The following JARID2 variants were observed in gnomAD, a reference collection of about 807,000 sequenced individuals.
The protein encoded by JARID2 is jumonji and AT-rich interaction domain containing 2.
A neutral mutation model predicts 125.6 loss-of-function variants in JARID2; 21 were observed. The observed-to-expected ratio is 0.17, with a 90% CI of 0.12 to 0.24. The LOEUF is 0.24. Among genes scored for constraint, JARID2 ranks in the 10% least tolerant of loss-of-function variants. The pLI is 1.00. For synonymous variants in JARID2, 736 were observed against 661.6 expected (o/e 1.11, Z -1.73); for missense variants, 1,303 against 1,639.6 (o/e 0.79, Z 3.55).
intron 5 of JARID2, among the ~76,000 whole-genome samples, chr6:15,478,509 G>A (rs1030725661): frequency 3.3e-5 from 5 of 151,172 alleles, no homozygotes; most frequent in African/African-American, 7.3e-5. Context: ...AATGGGATGC[G>A]TTCTGGTCTA....
chr6:15,505,679 G>A (rs1770970231), intron 9 of JARID2, among the ~76,000 whole-genome samples: 2 of 152,280 alleles, frequency 1.3e-5, no homozygotes, highest in South Asian at 2.1e-4. Context: ...TGCAGGGGCT[G>A]CCTACACTGT....
At chr6:15,485,548 G>A (rs1382430819) in intron 5 of JARID2, among the ~76,000 whole-genome samples, 1 of 152,158 alleles carries the variant, frequency 6.6e-6, no homozygotes, top group Non-Finnish European at 1.5e-5. Flanking sequence ...TAGCACAAAA[G>A]TATATAAGGG....
intron 4 of JARID2, among the ~76,000 whole-genome samples, chr6:15,464,587 GAGA>G (rs1376724963): frequency 6.6e-6 from 1 of 152,160 alleles, no homozygotes; most frequent in Non-Finnish European, 1.5e-5. Flanking sequence ...ACCCCCCAGT[GAGA>G]AGAAGGGGTA....
At position 15,435,361 on chromosome 6, in the gene JARID2, G is replaced by A. The variant is rs75914549; in HGVS notation, c.324-16645G>A. On this transcript the variant is annotated intron_variant, in intron 3 of 17. Transcript: ENST00000341776. ...TATATTCCAAATCCTCGTGAGGGCC[G>A]CTTAAGTTTTACAACTTCTCAGGAA... Among the ~76,000 whole-genome samples, 1,099 of 152,276 alleles carry A rather than the reference G, an allele frequency of 7.2e-3. 14 individuals carry two copies. Among genetic ancestry groups the A allele is most frequent in the African/African-American group, 0.025 (1,045 of 41,546 alleles).
intron 3 of JARID2, among the ~76,000 whole-genome samples, chr6:15,447,147 A>G (rs553577307): frequency 2.6e-5 from 4 of 152,112 alleles, no homozygotes; most frequent in Non-Finnish European, 5.9e-5. Flanking sequence ...TGAAACATCT[A>G]TTCCCTCACC....
chr6:15,335,281 G>A (rs1024217101), intron 1 of JARID2, among the ~76,000 whole-genome samples: 5 of 152,046 alleles, frequency 3.3e-5, no homozygotes, highest in Non-Finnish European at 5.9e-5. Context: ...TGTATTTTTA[G>A]TAGAGACAGG....
chr6:15,411,524 G>A (rs1765875046), intron 3 of JARID2, among the ~76,000 whole-genome samples: 1 of 152,122 alleles, frequency 6.6e-6, no homozygotes, highest in African/African-American at 2.4e-5. Flanking sequence ...GTATAGTTAG[G>A]ATCTTCCCGT....
chr6:15,298,856 A>G (rs1240321590), intron 1 of JARID2, among the ~76,000 whole-genome samples: 1 of 151,986 alleles, frequency 6.6e-6, no homozygotes, highest in Admixed American at 6.6e-5. Context: ...TACATCTTTA[A>G]AAGTGAACAT....
rs1042559790 is a variant in JARID2, at chr6:15,300,684, TGTG to T, written c.45+54101_45+54103del. ...TTGCAAAGACCCAGTGTCCTCATGT[TGTG>T]TGTGTGTGTGTGTGTGTGTGTGTGT... On this transcript the variant is annotated intron_variant, in intron 1 of 17. Transcript: ENST00000341776. Among the ~76,000 whole-genome samples the T allele has an allele frequency of 2.4e-4, 14 of 57,442 alleles. No homozygotes were observed. In the South Asian group the frequency reaches 3.0e-3, roughly 12 times the overall value. The allele number at this position is 57,442 out of a possible 152,430, so 37.7% of individuals were successfully genotyped here. A position where few individuals can be genotyped will look rare whatever the true frequency, so the allele number is the denominator to read the frequency against.
rs1207757983 is a variant in JARID2, at chr6:15,496,563, G to A, written c.1338G>A (p.Glu446=). 6.2e-7 allele frequency: 1 copy of A among 1,606,470 alleles called. No individual in the cohort carries two copies. ...GLRNSKRRLE[E]AHQAEKPQSP... ...GGAACTCCAAGAGGAGACTGGAAGA[G>A]GCACACCAGGCGGAGAAGCCGCAGT... is the stretch of plus-strand genomic sequence containing the variant. The change falls in exon 7 of 18, where the codon GAG becomes GAA. Residue 446 remains glutamate, a synonymous_variant. Transcript: ENST00000341776.
chr6:15,373,923 G>A (rs1469902622), intron 1 of JARID2, among the ~76,000 whole-genome samples, 194 bp from the exon 2 acceptor site: 3 of 152,158 alleles, frequency 2.0e-5, no homozygotes, highest in Non-Finnish European at 4.4e-5. Context: ...ACAGCCTGTG[G>A]ATTCACTTTT....
intron 1 of JARID2, among the ~76,000 whole-genome samples, chr6:15,300,708 TGTGTGTGTGTGTGTGAGAGAGAGA>T (rs1761581598): frequency 7.1e-6 from 1 of 139,968 alleles, no homozygotes. Flanking sequence ...TGTGTGTGTG[TGTGTGTGTGTGTGTGAGAGAGAGA>T]GAGAGAGAGA....
chr6:15,516,703 C>T (rs77007716), intron 16 of JARID2, among the ~76,000 whole-genome samples: 3,040 of 152,326 alleles, frequency 0.02, 44 homozygotes, highest in Middle Eastern at 0.034. Context: ...GTGCGTTCCC[C>T]GGGTGGCCGC....
At chr6:15,265,621 A>G (rs1484974634) in intron 1 of JARID2, among the ~76,000 whole-genome samples, 1 of 152,150 alleles carries the variant, frequency 6.6e-6, no homozygotes, top group Non-Finnish European at 1.5e-5. Context: ...GCAGCCAAGA[A>G]GCCAGGAAAG....
At chr6:15,430,347 T>G (rs1344809221) in intron 3 of JARID2, among the ~76,000 whole-genome samples, 1 of 152,224 alleles carries the variant, frequency 6.6e-6, no homozygotes, top group African/African-American at 2.4e-5. Flanking sequence ...GACCTCAATG[T>G]TAATTCATTT....
intron 3 of JARID2, among the ~76,000 whole-genome samples, chr6:15,447,307 T>C (rs1185313533): frequency 6.6e-6 from 1 of 152,192 alleles, no homozygotes; most frequent in African/African-American, 2.4e-5. Flanking sequence ...ATTGGTTTCA[T>C]TGACATAAAG....
At chr6:15,407,084 A>AC (rs1765679967) in intron 2 of JARID2, among the ~76,000 whole-genome samples, 1 of 151,644 alleles carries the variant, frequency 6.6e-6, no homozygotes, top group African/African-American at 2.4e-5. Context: ...ACAAAGCAAG[A>AC]CCCCATGTAT....
intron 2 of JARID2, among the ~76,000 whole-genome samples, chr6:15,405,097 C>G (rs1276647370): frequency 1.3e-5 from 2 of 152,084 alleles, no homozygotes; most frequent in Non-Finnish European, 2.9e-5. Flanking sequence ...AATCTTTGGC[C>G]TAATTTGTGT....
At position 15,469,021 on chromosome 6, in the gene JARID2, AAAC is replaced by A. The variant is rs1471727575; in HGVS notation, c.670+308_670+310del. Among the ~76,000 whole-genome samples, 115 of 152,278 alleles carry A rather than the reference AAAC, an allele frequency of 7.6e-4. 1 individual carries two copies. Among genetic ancestry groups the A allele is most frequent in the Non-Finnish European group, 2.9e-5 (2 of 68,022 alleles). ...TGGGGATGGTCAAGAAGATTTGGTGAAACAACATCTGTGCCCCCCTTTAATTAC... is the reference window on the plus strand; with the variant it reads ...TGGGGATGGTCAAGAAGATTTGGTGAAACATCTGTGCCCCCCTTTAATTAC... On this transcript the variant is annotated intron_variant, in intron 5 of 17. Coordinates refer to ENST00000341776, the MANE Select transcript of JARID2 (RefSeq NM_004973.4).
Sources: allele counts gnomAD v4.1 joint callset (sites outside exome capture counted in the v4.1 genomes callset), GRCh38; gene constraint gnomAD v4.1.1; transcripts MANE v1.5; gene names NCBI Gene and HGNC (gene_info 2026-07-23, HGNC 2026-07-21).